Variants in KMT2C observed in about 807,000 individuals in gnomAD.
The protein encoded by KMT2C is lysine methyltransferase 2C.
In KMT2C, 88 loss-of-function variants were observed where a neutral mutation model predicts 507.9. That is an observed-to-expected ratio of 0.17 (90% CI 0.15 to 0.21). The LOEUF is 0.21. KMT2C is among the 10% of genes least tolerant of loss of function. The pLI is 1.00. For synonymous variants in KMT2C, 2,049 were observed against 2,080.8 expected, an observed-to-expected ratio of 0.98 and a Z score of 0.42; for missense variants, 4,954 against 5,957.8, an observed-to-expected ratio of 0.83 and a Z score of 5.55.
Position 152,187,409 on chromosome 7 carries a change from T to C in KMT2C, c.4861A>G (p.Thr1621Ala). 6.2e-7 allele frequency: 1 copy of C among 1,614,106 alleles called. No individual in the cohort carries two copies. The highest frequency in any genetic ancestry group is 8.5e-7 in the Non-Finnish European group (1 of 1,180,002). The change falls in exon 33 of 59, where the codon ACT becomes GCT. Residue 1621 changes from threonine to alanine, a missense_variant. Transcript: ENST00000262189. Reference sequence around the variant, plus strand: ...ATTGTGTCATTTTCTCCTTCCACAGTGGGAGCTGATGATGTCCAAGAGTTG... The same window carrying C: ...ATTGTGTCATTTTCTCCTTCCACAGCGGGAGCTGATGATGTCCAAGAGTTG... ...PNNSWTSSAP[T>A]VEGENDTMSN...
At chr7:152,378,924 A>C (rs1301240520) in intron 1 of KMT2C, among the ~76,000 whole-genome samples, 1 of 152,142 alleles carries the variant, frequency 6.6e-6, no homozygotes, top group Non-Finnish European at 1.5e-5. Context: ...CTTCCTTACA[A>C]ATTTATAAGG....
At position 152,261,677 on chromosome 7, in the gene KMT2C, G is replaced by A. The variant is rs570723056; in HGVS notation, c.1299+1339C>T. Among the ~76,000 whole-genome samples the A allele has an allele frequency of 4.4e-4, 67 of 152,252 alleles. 2 individuals are homozygous for A. In the South Asian group the frequency reaches 0.013, roughly 30 times the overall value. On this transcript the variant is annotated intron_variant, in intron 9 of 58. Transcript: ENST00000262189. ...GCTTCAGCCAAAGCTACAGCCGAAG[G>A]TAAACTTATAGTCTTAAATGTCCTT... is the stretch of plus-strand genomic sequence containing the variant.
intron 41 of KMT2C, among the ~76,000 whole-genome samples, chr7:152,168,201 C>T (rs2092816197): frequency 6.6e-6 from 1 of 151,214 alleles, no homozygotes; most frequent in Admixed American, 6.6e-5. Flanking sequence ...CTTTTTGACT[C>T]ACTACAAGAC....
chr7:152,378,797 C>A (rs2097348442), intron 1 of KMT2C, among the ~76,000 whole-genome samples: 1 of 152,174 alleles, frequency 6.6e-6, no homozygotes, highest in Non-Finnish European at 1.5e-5. Flanking sequence ...ATTTTCTTCA[C>A]TCTGAAGTAA....
chr7:152,238,796 G>C lies in KMT2C; in HGVS notation c.2563C>G (p.Pro855Ala), dbSNP rs771681097. 6 of 1,608,780 alleles carry C rather than the reference G, an allele frequency of 3.7e-6. No individual in the cohort carries two copies. The highest frequency in any genetic ancestry group is 5.1e-6 in the Non-Finnish European group (6 of 1,178,398). The change falls in exon 15 of 59, where the codon CCA becomes GCA. Residue 855 changes from proline to alanine, a missense_variant. Pro to Ala is a conservative substitution (Grantham distance 27). Coordinates refer to ENST00000262189, the MANE Select transcript of KMT2C (RefSeq NM_170606.3). ...GAWSTHNTVS[P>A]PSWSPDISEG... ...GAAATGTCTGGGGACCAGGAAGGTG[G>C]GCTCACTGTATTATGGGTACTCCAA... is the stretch of plus-strand genomic sequence containing the variant.
chr7:152,294,648 C>A (rs2096472025), intron 6 of KMT2C, among the ~76,000 whole-genome samples: 1 of 151,970 alleles, frequency 6.6e-6, no homozygotes, highest in African/African-American at 2.4e-5. Context: ...CCCGCCACTC[C>A]CAAAATAGAA....
intron 7 of KMT2C, among the ~76,000 whole-genome samples, chr7:152,266,149 GTTCT>G (rs1240353601): frequency 6.6e-6 from 1 of 151,778 alleles, no homozygotes; most frequent in Admixed American, 6.6e-5. Context: ...TGACTCATAC[GTTCT>G]TTCTTTTCCA....
chr7:152,405,658 AG>A (rs2097606433), intron 1 of KMT2C, among the ~76,000 whole-genome samples: 1 of 151,812 alleles, frequency 6.6e-6, no homozygotes, highest in African/African-American at 2.4e-5. Context: ...AGAACTTAAA[AG>A]TTTAAATACA....
chr7:152,384,569 C>T (rs933008621), intron 1 of KMT2C, among the ~76,000 whole-genome samples: 1 of 111,360 alleles, frequency 9.0e-6, no homozygotes, highest in Non-Finnish European at 2.1e-5. Flanking sequence ...ACCACCACCA[C>T]CACCACCACC....
chr7:152,427,755 G>A (rs2097832916), intron 1 of KMT2C, among the ~76,000 whole-genome samples: 1 of 152,132 alleles, frequency 6.6e-6, no homozygotes, highest in African/African-American at 2.4e-5. Context: ...GTGATTACAT[G>A]TTAAGTCACA....
At chr7:152,358,011 A>T (rs1445600327) in intron 2 of KMT2C, among the ~76,000 whole-genome samples, 1 of 152,194 alleles carries the variant, frequency 6.6e-6, no homozygotes, top group Non-Finnish European at 1.5e-5. Flanking sequence ...TCTCAATACA[A>T]TATGAATCCT....
intron 34 of KMT2C, 115 bp from the exon 35 acceptor site, chr7:152,183,271 T>G: frequency 1.2e-6 from 1 of 804,502 alleles, no homozygotes; most frequent in Non-Finnish European, 1.9e-6. Flanking sequence ...GTAAAATAGC[T>G]GAAATACTTA....
intron 9 of KMT2C, among the ~76,000 whole-genome samples, chr7:152,259,766 A>G (rs774913490): frequency 8.5e-5 from 13 of 152,344 alleles, no homozygotes; most frequent in Admixed American, 1.3e-4. Flanking sequence ...GCCCCAAACT[A>G]GACTGACAGC....
rs547533430 is a variant in KMT2C, at chr7:152,187,785, T to C, written c.4723A>G (p.Asn1575Asp). ...LIGSSPHLPH[N>D]SLPPGSGLGT... ...AGTCCGCTTCCAGGTGGCAAAGAAT[T>C]ATGTGGGAGATGAGGACTGGATCCA... The change falls in exon 32 of 59, where the codon AAT (asparagine) becomes GAT (aspartate). Residue 1575 changes from asparagine to aspartate, a missense_variant. By Grantham distance (23) the Asn-to-Asp change is conservative (BLOSUM62 1). Transcript: ENST00000262189. 3 of 1,614,004 alleles carry C rather than the reference T, an allele frequency of 1.9e-6. No individual in the cohort carries two copies. The South Asian group carries it at 3.3e-5, about 18-fold the overall frequency.
At chr7:152,367,416 C>A in intron 1 of KMT2C, 1 of 692,714 alleles carries the variant, frequency 1.4e-6, no homozygotes, top group Non-Finnish European at 2.5e-6. Flanking sequence ...CAGGGTCTCG[C>A]CTTATTTCGC....
At chr7:152,276,629 T>G (rs1485488260) in intron 6 of KMT2C, among the ~76,000 whole-genome samples, 1 of 152,120 alleles carries the variant, frequency 6.6e-6, no homozygotes, top group African/African-American at 2.4e-5. Flanking sequence ...GGCATGCACC[T>G]ATAGTCCCAG....
chr7:152,215,878 T>C (rs960667241), intron 23 of KMT2C, among the ~76,000 whole-genome samples: 1 of 152,086 alleles, frequency 6.6e-6, no homozygotes, highest in Non-Finnish European at 1.5e-5. Flanking sequence ...TTAATTATTT[T>C]CCAATTTTAA....
chr7:152,201,176 AGT>A (rs1444152285), intron 26 of KMT2C, among the ~76,000 whole-genome samples: 2 of 152,082 alleles, frequency 1.3e-5, no homozygotes, highest in Non-Finnish European at 2.9e-5. Context: ...TTATTAATTT[AGT>A]GTGTTTTACA....
chr7:152,298,601 A>G (rs969787929), intron 6 of KMT2C, among the ~76,000 whole-genome samples: 1 of 152,230 alleles, frequency 6.6e-6, no homozygotes, highest in Non-Finnish European at 1.5e-5. Flanking sequence ...AAATAATGAA[A>G]TAATTCATCA....
Sources: gnomAD v4.1 joint callset for allele counts (sites outside exome capture counted in the v4.1 genomes callset) on GRCh38, gnomAD v4.1.1 for gene constraint, MANE v1.5 for transcripts, NCBI Gene and HGNC (gene_info 2026-07-23, HGNC 2026-07-21) for gene names.